Variants in RNF20 observed in about 807,000 individuals in gnomAD.
The protein encoded by RNF20 is ring finger protein 20.
In RNF20, 84 loss-of-function variants were observed where a neutral mutation model predicts 126.2. The ratio of observed to expected loss-of-function variants is 0.67; its 90% CI spans 0.56 to 0.80. The LOEUF (loss-of-function observed/expected upper bound fraction) is 0.80, where lower values mean the gene tolerates loss of function less well. RNF20 is among the 30% of genes least tolerant of loss of function. RNF20 has a pLI of 0.00. For synonymous variants in RNF20, 400 were observed against 414.3 expected (o/e 0.97, Z 0.42); for missense variants, 869 against 1,188.2 (o/e 0.73, Z 3.95).
At chr9:101,535,621 T>G in intron 2 of RNF20, 69 bp downstream of exon 2, 1 of 1,548,646 alleles carries the variant, frequency 6.5e-7, no homozygotes, top group Admixed American at 1.9e-5. Context: ...TAAAAATTCA[T>G]GGAAGCTTTC....
chr9:101,549,054 C>CGGT (rs373601322), intron 9 of RNF20, among the ~76,000 whole-genome samples: 359 of 152,246 alleles, frequency 2.4e-3, no homozygotes, highest in African/African-American at 8.3e-3. Context: ...CCCACAGGGT[C>CGGT]GGTGGGTCTC....
intron 13 of RNF20, 57 bp downstream of exon 13, chr9:101,552,810 T>A: frequency 6.7e-7 from 1 of 1,486,382 alleles, no homozygotes. Context: ...TAAGACATCA[T>A]GCATGAAATG....
intron 15 of RNF20, among the ~76,000 whole-genome samples, chr9:101,555,816 G>A (rs1827523042): frequency 6.6e-6 from 1 of 151,650 alleles, no homozygotes; most frequent in Admixed American, 6.6e-5. Context: ...AAAATTAGCT[G>A]GGCTTGGTGG....
intron 9 of RNF20, among the ~76,000 whole-genome samples, chr9:101,547,998 C>T (rs1021150792): frequency 5.9e-5 from 9 of 152,072 alleles, no homozygotes; most frequent in African/African-American, 2.2e-4. Flanking sequence ...CATACAAAAA[C>T]AATTGTGTGT....
intron 6 of RNF20, 92 bp from the exon 7 acceptor site, chr9:101,546,728 C>G: frequency 1.5e-6 from 2 of 1,365,740 alleles, no homozygotes; most frequent in South Asian, 1.3e-5. Flanking sequence ...CTATTTGCCT[C>G]TTTTCTATAA....
At chr9:101,544,143 C>G (rs1023057137) in intron 5 of RNF20, among the ~76,000 whole-genome samples, 1 of 152,128 alleles carries the variant, frequency 6.6e-6, no homozygotes, top group Non-Finnish European at 1.5e-5. Flanking sequence ...TTTAAACATA[C>G]GAACTTGGTG....
At chr9:101,547,889 T>C (rs898181217) in intron 9 of RNF20, among the ~76,000 whole-genome samples, 1 of 152,206 alleles carries the variant, frequency 6.6e-6, no homozygotes, top group Non-Finnish European at 1.5e-5. Flanking sequence ...TTTCTGTTTA[T>C]AGATGACATG....
In RNF20 at chr9:101,544,871, A is replaced by T. The variant is rs1418491773; in HGVS notation, c.733A>T (p.Thr245Ser). The T allele has an allele frequency of 1.9e-6, 3 of 1,609,834 alleles. No individual in the cohort carries two copies. The highest frequency in any genetic ancestry group is 2.6e-6 in the Non-Finnish European group (3 of 1,176,146). Reference sequence around the variant, plus strand: ...AGATCTTCTTCAGGAAAAGCATCGCACCATGTCTCAGGAGGTACTTAACCA... The same window carrying T: ...AGATCTTCTTCAGGAAAAGCATCGCTCCATGTCTCAGGAGGTACTTAACCA... ...LTDLLQEKHR[T>S]MSQEFSKLQS... Residue 245 changes from threonine to serine, a missense_variant, in exon 6 of 20, where the codon ACC (threonine) becomes TCC (serine). Physicochemically the swap from Thr to Ser is moderately conservative, Grantham distance 58. This residue lies in a region of RNF20 where 103 missense variants were observed against 94.3 expected (regional missense o/e 1.09). Transcript: ENST00000389120.
In RNF20 at chr9:101,562,048, A is replaced by C. The variant is rs779641208; in HGVS notation, c.2751+37A>C. 5.4e-6 allele frequency: 8 copies of C among 1,480,972 alleles called. No individual in the cohort carries two copies. The African/African-American group carries it at 9.8e-5, about 18-fold the overall frequency. The allele number at this position is 1,480,972 out of a possible 1,614,324, so 91.7% of individuals were successfully genotyped here. ...TGCCTTAGTGATTAGTTTTTTGTCA[A>C]AGCTTTAAGTGGCCTAATAGACTGG... On this transcript the variant is annotated intron_variant, in intron 19 of 19. Transcript: ENST00000389120.
chr9:101,550,343 C>G (rs569683020), intron 9 of RNF20, among the ~76,000 whole-genome samples: 15 of 152,260 alleles, frequency 9.9e-5, no homozygotes, highest in African/African-American at 3.6e-4. Context: ...CTTCTGGTGG[C>G]TCATTTGACA....
At chr9:101,557,698 G>A in intron 16 of RNF20, 102 bp downstream of exon 16, 1 of 891,650 alleles carries the variant, frequency 1.1e-6, no homozygotes, top group Non-Finnish European at 1.7e-6. Context: ...TTTGTGATTG[G>A]AAAAAAATTT....
intron 6 of RNF20, 84 bp downstream of exon 6, chr9:101,544,969 C>T: frequency 1.2e-6 from 1 of 853,972 alleles, no homozygotes; most frequent in Non-Finnish European, 2.0e-6. Flanking sequence ...TCAAAGATTA[C>T]CTTACTCTAG....
chr9:101,544,783 G>A lies in RNF20; in HGVS notation c.645G>A (p.Glu215=), dbSNP rs754351898. 6.2e-7 allele frequency: 1 copy of A among 1,604,772 alleles called. No individual in the cohort carries two copies. The highest frequency in any genetic ancestry group is 2.2e-5 in the East Asian group (1 of 44,816). ...KLNSGDNLIV[E]EAVQELNSFL... ...CTTCCCCAGATAATCTGATAGTGGA[G>A]GAAGCAGTGCAGGAGCTGAACTCTT... The change falls in exon 6 of 20, where the codon GAG becomes GAA. Residue 215 remains glutamate, a synonymous_variant. Transcript: ENST00000389120.
Position 101,554,807 on chromosome 9 carries a change from A to G in RNF20, c.2133A>G (p.Ile711Met). ...LRKIRAVEEQIEYLQKKLAMA... is the reference protein window; with the variant it reads ...LRKIRAVEEQMEYLQKKLAMA... ...AGATCCGGGCAGTGGAGGAGCAGATAGAATACCTACAGAAGAAGCTAGCCA... is the reference window on the plus strand; with the variant it reads ...AGATCCGGGCAGTGGAGGAGCAGATGGAATACCTACAGAAGAAGCTAGCCA... The change falls in exon 15 of 20, where the codon ATA becomes ATG. Residue 711 changes from isoleucine (I) to methionine (M), a missense_variant. Physicochemically the swap from Ile to Met is conservative, Grantham distance 10. Coordinates refer to ENST00000389120, the MANE Select transcript of RNF20 (RefSeq NM_019592.7). 6.5e-7 allele frequency: 1 copy of G among 1,531,398 alleles called. No individual in the cohort carries two copies. The highest frequency in any genetic ancestry group is 1.3e-5 in the South Asian group (1 of 79,770). 94.9% of individuals were successfully genotyped at this position (1,531,398 alleles called of 1,614,324 possible). A position where few individuals can be genotyped will look rare whatever the true frequency, so the allele number is the denominator to read the frequency against.
intron 11 of RNF20, 136 bp downstream of exon 11, chr9:101,551,955 G>A (rs185909902): frequency 3.9e-6 from 5 of 1,292,528 alleles, no homozygotes; most frequent in Middle Eastern, 1.9e-4. Flanking sequence ...ATTCATTTTG[G>A]TTCACAGCCT....
At chr9:101,535,052 C>CG (rs1023564750) in intron 1 of RNF20, among the ~76,000 whole-genome samples, 6 of 151,744 alleles carry the variant, frequency 4.0e-5, no homozygotes, top group African/African-American at 1.5e-4. Context: ...GGACTACCGG[C>CG]GCCCGCCACC....
intron 2 of RNF20, among the ~76,000 whole-genome samples, chr9:101,539,148 G>C (rs1827224183): frequency 6.6e-6 from 1 of 152,202 alleles, no homozygotes; most frequent in Admixed American, 6.5e-5. Context: ...GATGTAAAAG[G>C]GGGCAGGGTT....
chr9:101,558,395 C>T (rs929567688), intron 16 of RNF20, among the ~76,000 whole-genome samples: 7 of 151,830 alleles, frequency 4.6e-5, no homozygotes, highest in South Asian at 2.1e-4. Context: ...TATTCCATGG[C>T]GTGACTTTTC....
intron 1 of RNF20, among the ~76,000 whole-genome samples, chr9:101,535,000 C>T (rs1309289383): frequency 4.6e-5 from 7 of 151,570 alleles, no homozygotes; most frequent in African/African-American, 9.7e-5. Flanking sequence ...CTCCGCCTCC[C>T]GGGTTCAAGT....
Sources: gnomAD v4.1 joint callset for allele counts (sites outside exome capture counted in the v4.1 genomes callset) on GRCh38, gnomAD v4.1.1 for gene constraint, gnomAD v4.1.1 regional missense constraint, MANE v1.5 for transcripts, NCBI Gene and HGNC (gene_info 2026-07-23, HGNC 2026-07-21) for gene names.